Variants in FOXN3 observed in about 807,000 individuals in gnomAD.
The protein encoded by FOXN3 is forkhead box N3.
FOXN3 carries 7 observed loss-of-function variants against 38.4 expected under a neutral mutation model. The observed-to-expected ratio is 0.18, with a 90% CI of 0.10 to 0.34. The LOEUF is 0.34. Ranked by LOEUF, FOXN3 falls within the 10% of genes least tolerant of loss-of-function variation. FOXN3 has a pLI of 1.00. For missense variants in FOXN3, 456 were observed against 613.4 expected (o/e 0.74, Z 2.71); for synonymous variants, 230 against 242.2 (o/e 0.95, Z 0.47).
intron 1 of FOXN3, among the ~76,000 whole-genome samples, chr14:89,545,158 G>A (rs541854622): frequency 7.2e-5 from 11 of 152,208 alleles, no homozygotes; most frequent in Non-Finnish European, 1.6e-4. Context: ...CTTCACACCT[G>A]ATGTCTAACT....
chr14:89,475,117 T>C (rs1475141509), intron 1 of FOXN3, among the ~76,000 whole-genome samples: 2 of 152,146 alleles, frequency 1.3e-5, no homozygotes, highest in African/African-American at 4.8e-5. Context: ...CCCGGCCAGG[T>C]GTTTCCATAT....
intron 4 of FOXN3, among the ~76,000 whole-genome samples, chr14:89,254,451 G>A (rs1885555587): frequency 6.6e-6 from 1 of 152,162 alleles, no homozygotes; most frequent in African/African-American, 2.4e-5. Flanking sequence ...GGTCAGAACT[G>A]CACGGCCAGA....
chr14:89,334,725 G>A (rs1401635593), intron 3 of FOXN3, among the ~76,000 whole-genome samples: 1 of 151,986 alleles, frequency 6.6e-6, no homozygotes, highest in African/African-American at 2.4e-5. Flanking sequence ...GAGTAGATTT[G>A]TTTTGTTTTG....
At chr14:89,570,839 T>C (rs1596321063) in intron 1 of FOXN3, among the ~76,000 whole-genome samples, 1 of 152,216 alleles carries the variant, frequency 6.6e-6, no homozygotes, top group African/African-American at 2.4e-5. Context: ...TTCAGTTGTC[T>C]ACCTTTGCCT....
intron 2 of FOXN3, among the ~76,000 whole-genome samples, chr14:89,390,490 T>TAAAA (rs376776864): frequency 0.037 from 4,780 of 130,050 alleles, 99 homozygotes; most frequent in South Asian, 0.066. Flanking sequence ...AGCTGCTTTT[T>TAAAA]AAAAAAAAAA....
chr14:89,330,511 T>C (rs139109174), intron 3 of FOXN3, among the ~76,000 whole-genome samples: 1 of 152,206 alleles, frequency 6.6e-6, no homozygotes, highest in Non-Finnish European at 1.5e-5. Flanking sequence ...TAGGAGCATG[T>C]CGCTTGAATT....
chr14:89,583,223 T>C (rs243205), intron 1 of FOXN3, among the ~76,000 whole-genome samples: 51,753 of 152,106 alleles, frequency 0.34, 10,026 homozygotes, highest in African/African-American at 0.49. Flanking sequence ...TTGCTATGGC[T>C]TGAATGTTTT....
chr14:89,391,218 C>T (rs1379258684), intron 2 of FOXN3, among the ~76,000 whole-genome samples: 1 of 152,256 alleles, frequency 6.6e-6, no homozygotes, highest in East Asian at 1.9e-4. Flanking sequence ...TCCTCCTCCT[C>T]GAAAAACAGA....
rs1255429932 is a variant in FOXN3 at position 89,511,232 on chromosome 14, CTTTCCTTTTCTTTCT to C, written c.-14-98757_-14-98743del. ...CTTTCTTTCTTTCTTTCTTTCTTTT[CTTTCCTTTTCTTTCT>C]TTTCTTTCTTTCTTTCTTTCTTTCT... On this transcript the variant is annotated intron_variant, in intron 1 of 6. Coordinates refer to the FOXN3 transcript ENST00000345097. Among the ~76,000 whole-genome samples the C allele has an allele frequency of 4.7e-4, 7 of 14,866 alleles. 1 individual carries two copies. Among genetic ancestry groups the C allele is most frequent in the African/African-American group, 8.1e-4 (7 of 8,678 alleles). The allele number at this position is 14,866 out of a possible 152,430, so 9.8% of individuals were successfully genotyped here. A position where few individuals can be genotyped will look rare whatever the true frequency, so the allele number is the denominator to read the frequency against.
chr14:89,289,883 G>A (rs903585090), intron 3 of FOXN3, among the ~76,000 whole-genome samples: 1 of 152,128 alleles, frequency 6.6e-6, no homozygotes, highest in Non-Finnish European at 1.5e-5. Flanking sequence ...TTGAACATAC[G>A]TGGAAAATTG....
At position 89,270,818 on chromosome 14, in the gene FOXN3, G is replaced by A. The variant is rs556469590; in HGVS notation, c.745+10132C>T. The stretch of plus-strand genomic sequence containing the variant: ...GGTTAGAAAACTTCTCCAAAATCAG[G>A]TGGCAATTAGGAAGCAAGGTGTGGA... On this transcript the variant is annotated intron_variant, in intron 4 of 5. Coordinates refer to ENST00000557258, the MANE Select transcript of FOXN3 (RefSeq NM_005197.4). 5.9e-5 allele frequency among the ~76,000 whole-genome samples: 9 copies of A among 152,238 alleles called. No individual in the cohort carries two copies. The South Asian group carries it at 1.2e-3, about 21-fold the overall frequency.
intron 4 of FOXN3, among the ~76,000 whole-genome samples, chr14:89,248,263 C>T (rs1203874664): frequency 6.6e-6 from 1 of 152,234 alleles, no homozygotes; most frequent in Non-Finnish European, 1.5e-5. Context: ...CCTAATCCAG[C>T]GACTGATATA....
chr14:89,520,636 G>A (rs74078916), intron 1 of FOXN3, among the ~76,000 whole-genome samples: 4,345 of 152,204 alleles, frequency 0.029, 200 homozygotes, highest in African/African-American at 0.094. Flanking sequence ...AAGAAAGACA[G>A]GAGTTGCAAT....
At chr14:89,333,558 G>C (rs1000275148) in intron 3 of FOXN3, among the ~76,000 whole-genome samples, 3 of 150,342 alleles carry the variant, frequency 2.0e-5, no homozygotes, top group Non-Finnish European at 4.4e-5. Context: ...TCAGAAGCTC[G>C]AGACCAGCCT....
intron 1 of FOXN3, among the ~76,000 whole-genome samples, chr14:89,415,790 C>T (rs1250543489): frequency 6.8e-6 from 1 of 147,924 alleles, no homozygotes; most frequent in African/African-American, 2.5e-5. Context: ...GCCAACAAGG[C>T]TGCTCCACCA....
intron 4 of FOXN3, among the ~76,000 whole-genome samples, chr14:89,181,021 C>T (rs1955257497): frequency 6.6e-6 from 1 of 151,458 alleles, no homozygotes; most frequent in African/African-American, 2.4e-5. Flanking sequence ...CACGCGCACA[C>T]ACACACACAT....
intron 4 of FOXN3, among the ~76,000 whole-genome samples, chr14:89,216,731 C>G (rs1446067757): frequency 6.6e-6 from 1 of 152,178 alleles, no homozygotes; most frequent in Non-Finnish European, 1.5e-5. Flanking sequence ...ACGGTTTTAT[C>G]CATGATGCCA....
At chr14:89,617,237 G>A (rs1896511732) in intron 1 of FOXN3, among the ~76,000 whole-genome samples, 1 of 152,126 alleles carries the variant, frequency 6.6e-6, no homozygotes. Flanking sequence ...TAATGAAATC[G>A]CTTTAAAGGC....
chr14:89,470,514 A>G (rs1398773431), intron 1 of FOXN3, among the ~76,000 whole-genome samples: 3 of 152,214 alleles, frequency 2.0e-5, no homozygotes, highest in Non-Finnish European at 4.4e-5. Context: ...TGTGGCTGCA[A>G]TGAGAACACA....
Sources: allele counts gnomAD v4.1 joint callset (sites outside exome capture counted in the v4.1 genomes callset), GRCh38; gene constraint gnomAD v4.1.1; transcripts MANE v1.5; gene names NCBI Gene and HGNC (gene_info 2026-07-23, HGNC 2026-07-21).